The following SRC variants were observed in gnomAD, a reference collection of about 807,000 sequenced individuals.
SRC encodes the protein SRC proto-oncogene, non-receptor tyrosine kinase, also known as proto-oncogene tyrosine-protein kinase Src.
Under a neutral mutation model 62.9 loss-of-function variants are expected in SRC, and 13 were observed. That is an observed-to-expected ratio of 0.21 (90% CI 0.13 to 0.33). SRC has a LOEUF of 0.33. Among genes scored for constraint, SRC ranks in the 10% least tolerant of loss-of-function variants. The pLI, the probability that SRC is intolerant of heterozygous loss-of-function variation, is 1.00. For synonymous variants in SRC, 302 were observed against 317.5 expected (o/e 0.95, Z 0.52); for missense variants, 457 against 737.3 (o/e 0.62, Z 4.40).
chr20:37,346,709 G>A (rs1414897439), intron 1 of SRC, among the ~76,000 whole-genome samples: 1 of 152,108 alleles, frequency 6.6e-6, no homozygotes, highest in Non-Finnish European at 1.5e-5. Flanking sequence ...GAGGGGCCCC[G>A]GGGTCAGGGC....
chr20:37,368,591 C>A (rs1246158450), intron 2 of SRC, among the ~76,000 whole-genome samples: 1 of 100,008 alleles, frequency 1.0e-5, no homozygotes, highest in Non-Finnish European at 1.8e-5. Flanking sequence ...CTCGCTCTGT[C>A]GCCCAGGCTG....
At position 37,397,551 on chromosome 20, in the gene SRC, C is replaced by T. The variant is rs761785067; in HGVS notation, c.704-148C>T. Reference sequence around the variant, plus strand: ...GCCTGTGTGGGGGTGGGGCTGTGTGCACACAGATGTAGATGCCTGGCTTTG... The same window carrying T: ...GCCTGTGTGGGGGTGGGGCTGTGTGTACACAGATGTAGATGCCTGGCTTTG... On this transcript the variant is annotated intron_variant, in intron 8 of 13. Coordinates refer to ENST00000373578, the MANE Select transcript of SRC (RefSeq NM_198291.3). The surrounding 1 kb of genome is among the most constrained non-coding windows in gnomAD (Gnocchi z 4.1). 51 of 1,094,484 alleles carry T rather than the reference C, an allele frequency of 4.7e-5. No homozygotes were observed. The highest frequency in any genetic ancestry group is 6.1e-5 in the Non-Finnish European group (49 of 801,864). 67.8% of individuals were successfully genotyped at this position (1,094,484 alleles called of 1,614,324 possible). A position where few individuals can be genotyped will look rare whatever the true frequency, so the allele number is the denominator to read the frequency against.
chr20:37,366,501 T>G (rs962087094), intron 2 of SRC, among the ~76,000 whole-genome samples: 1 of 152,194 alleles, frequency 6.6e-6, no homozygotes, highest in Admixed American at 6.5e-5. Flanking sequence ...AGAAAGAAAC[T>G]TCACCCATTA....
At chr20:37,379,019 G>T (rs1272336964) in intron 2 of SRC, among the ~76,000 whole-genome samples, 3 of 151,888 alleles carry the variant, frequency 2.0e-5, no homozygotes, top group East Asian at 1.9e-4. Context: ...GGATGGGGGT[G>T]GGGGGGAGAT....
chr20:37,373,841 T>G (rs1262209704), intron 2 of SRC, among the ~76,000 whole-genome samples: 1 of 152,240 alleles, frequency 6.6e-6, no homozygotes, highest in African/African-American at 2.4e-5. Flanking sequence ...GACTCTATTC[T>G]GTTCCCCTGA....
chr20:37,396,561 C>G lies in SRC; in HGVS notation c.703+250C>G, dbSNP rs1267253742. 3.6e-6 allele frequency: 2 copies of G among 563,210 alleles called. No individual in the cohort carries two copies. Among genetic ancestry groups the G allele is most frequent in the Non-Finnish European group, 6.3e-6 (2 of 317,448 alleles). 34.9% of individuals were successfully genotyped at this position (563,210 alleles called of 1,614,324 possible). On this transcript the variant is annotated intron_variant, in intron 8 of 13. Coordinates refer to ENST00000373578, the MANE Select transcript of SRC (RefSeq NM_198291.3). The surrounding 1 kb of genome is among the most constrained non-coding windows in gnomAD (Gnocchi z 6.1). Reference sequence around the variant, plus strand: ...CCTGCTCCACGCAGTGTCCCACTGCCCGCCTTTCTCTGCAGCTGGCTGGTA... The same window carrying G: ...CCTGCTCCACGCAGTGTCCCACTGCGCGCCTTTCTCTGCAGCTGGCTGGTA...
intron 1 of SRC, among the ~76,000 whole-genome samples, chr20:37,360,821 T>C (rs1258047962): frequency 6.6e-6 from 1 of 152,220 alleles, no homozygotes; most frequent in Non-Finnish European, 1.5e-5. Flanking sequence ...TATAAACTTA[T>C]TTAATCCTCA....
At chr20:37,374,081 A>ATT (rs146262957) in intron 2 of SRC, among the ~76,000 whole-genome samples, 70 of 142,816 alleles carry the variant, frequency 4.9e-4, no homozygotes, top group Middle Eastern at 3.6e-3. Context: ...TTTATGAATA[A>ATT]TTTTTTTTTT....
chr20:37,396,093 C>A lies in SRC; in HGVS notation c.554-69C>A. ...CCTCCAATGTCAGGCAGGCACAGAACGGTGTCCAGAGCAGCGGCCTGCGGG... is the reference window on the plus strand; with the variant it reads ...CCTCCAATGTCAGGCAGGCACAGAAAGGTGTCCAGAGCAGCGGCCTGCGGG... On this transcript the variant is annotated intron_variant, in intron 7 of 13. Coordinates refer to ENST00000373578, the MANE Select transcript of SRC (RefSeq NM_198291.3). This position sits in a 1 kb window ranked among gnomAD's most constrained non-coding sequence, Gnocchi z 6.1. The A allele has an allele frequency of 6.4e-7, 1 of 1,570,152 alleles. No individual in the cohort carries two copies. The highest frequency in any genetic ancestry group is 8.6e-7 in the Non-Finnish European group (1 of 1,159,876).
At position 37,374,369 on chromosome 20, in the gene SRC, C is replaced by T. The variant is rs1331932860; in HGVS notation, c.-172-8250C>T. On this transcript the variant is annotated intron_variant, in intron 2 of 13. Coordinates refer to ENST00000373578, the MANE Select transcript of SRC (RefSeq NM_198291.3). ...CTGGGATTACAGGTGTGAGCCACTG[C>T]CCCTGGCTGATATTTTAATAATGCT... Among the ~76,000 whole-genome samples the T allele has an allele frequency of 3.3e-5, 5 of 152,112 alleles. No homozygotes were observed. In the East Asian group the frequency reaches 9.6e-4, roughly 29 times the overall value.
chr20:37,360,691 C>T (rs1022285817), intron 1 of SRC, among the ~76,000 whole-genome samples: 1 of 152,202 alleles, frequency 6.6e-6, no homozygotes, highest in Non-Finnish European at 1.5e-5. Context: ...GGATGCCTAG[C>T]ATAGGCCCGG....
intron 5 of SRC, among the ~76,000 whole-genome samples, chr20:37,387,348 C>T (rs1006736098): frequency 1.3e-5 from 2 of 152,310 alleles, no homozygotes; most frequent in East Asian, 3.9e-4. Flanking sequence ...CCAGTCGTCT[C>T]CACCTGTGTC....
chr20:37,381,372 G>A (rs1300282340), intron 2 of SRC, among the ~76,000 whole-genome samples: 1 of 152,100 alleles, frequency 6.6e-6, no homozygotes, highest in East Asian at 1.9e-4. Context: ...TCTAGCCCTG[G>A]CTCTCTGTCT....
In SRC at chr20:37,396,373, G is replaced by C. The variant is rs1007346726; in HGVS notation, c.703+62G>C. The C allele has an allele frequency of 1.9e-6, 3 of 1,595,674 alleles. No homozygotes were observed. Among genetic ancestry groups the C allele is most frequent in the Admixed American group, 3.4e-5 (2 of 59,692 alleles). On this transcript the variant is annotated intron_variant, in intron 8 of 13. Coordinates refer to ENST00000373578, the MANE Select transcript of SRC (RefSeq NM_198291.3). The surrounding 1 kb of genome is among the most constrained non-coding windows in gnomAD (Gnocchi z 6.1). ...AAGCCTCAGCTGCAGACTCTGGGGA[G>C]GGGCCTTGGAGCCTAGAAGGGTGGG... is the stretch of plus-strand genomic sequence containing the variant.
Position 37,397,747 on chromosome 20 carries a change from C to T in SRC, c.752C>T (p.Ser251Phe). ...CGCCTCACCACCGTGTGCCCCACGT[C>T]CAAGCCGCAGACTCAGGGCCTGGCC... ...CHRLTTVCPT[S>F]KPQTQGLAKD... Residue 251 changes from serine (S) to phenylalanine (F), a missense_variant, in exon 9 of 14, where the codon TCC (serine) becomes TTC (phenylalanine). Ser to Phe is a radical substitution (Grantham distance 155, BLOSUM62 -2). Transcript: ENST00000373578. This position sits in a 1 kb window ranked among gnomAD's most constrained non-coding sequence, Gnocchi z 4.1. 1 of 1,609,654 alleles carries T rather than the reference C, an allele frequency of 6.2e-7. No individual in the cohort carries two copies. The highest frequency in any genetic ancestry group is 8.5e-7 in the Non-Finnish European group (1 of 1,178,046).
Position 37,403,728 on chromosome 20 carries a change from C to A in SRC, c.*349C>A. On this transcript the variant is annotated 3_prime_UTR_variant, in exon 14 of 14. Transcript: ENST00000373578. The surrounding 1 kb of genome is among the most constrained non-coding windows in gnomAD (Gnocchi z 7.1). The stretch of plus-strand genomic sequence containing the variant: ...GCCCTTTTCCAGCCTCAGCCTACTC[C>A]GCTCACTGAACTCCTTCCCCACTTC... 1 of 353,262 alleles carries A rather than the reference C, an allele frequency of 2.8e-6. No individual in the cohort carries two copies. The highest frequency in any genetic ancestry group is 5.3e-6 in the Non-Finnish European group (1 of 189,336). The allele number at this position is 353,262 out of a possible 1,614,324, so 21.9% of individuals were successfully genotyped here.
intron 5 of SRC, among the ~76,000 whole-genome samples, chr20:37,390,258 A>C (rs913150803): frequency 1.3e-5 from 2 of 152,146 alleles, no homozygotes; most frequent in Non-Finnish European, 2.9e-5. Flanking sequence ...CTTGTTGGAG[A>C]CTGGGACTGT....
At chr20:37,378,261 C>T (rs1227742112) in intron 2 of SRC, among the ~76,000 whole-genome samples, 1 of 150,368 alleles carries the variant, frequency 6.7e-6, no homozygotes, top group African/African-American at 2.5e-5. Context: ...CTCCAGGGCT[C>T]AAGTGATCCC....
chr20:37,354,879 C>T (rs775336621), intron 1 of SRC, among the ~76,000 whole-genome samples: 1 of 152,182 alleles, frequency 6.6e-6, no homozygotes, highest in Non-Finnish European at 1.5e-5. Flanking sequence ...TCTTCCTCAC[C>T]GGGCTGTTGG....
Sources: allele counts gnomAD v4.1 joint callset (sites outside exome capture counted in the v4.1 genomes callset), GRCh38; gene constraint gnomAD v4.1.1; non-coding constraint Gnocchi (gnomAD v3.1); transcripts MANE v1.5; gene names NCBI Gene and HGNC (gene_info 2026-07-23, HGNC 2026-07-21).